CTNND2: variants seen among roughly 807,000 people sequenced by gnomAD.
CTNND2 encodes catenin delta 2, also known as catenin delta-2.
Under a neutral mutation model 144.4 loss-of-function variants are expected in CTNND2, and 22 were observed. The ratio of observed to expected loss-of-function variants is 0.15; its 90% CI spans 0.11 to 0.22. CTNND2 has a LOEUF of 0.22. CTNND2 is among the 10% of genes least tolerant of loss of function. The pLI is 1.00. For synonymous variants in CTNND2, 751 were observed against 695.6 expected (o/e 1.08, Z -1.25); for missense variants, 1,353 against 1,618.8 (o/e 0.84, Z 2.82).
intron 9 of CTNND2, among the ~76,000 whole-genome samples, chr5:11,335,069 T>G (rs1753602333): frequency 6.6e-6 from 1 of 152,312 alleles, no homozygotes; most frequent in East Asian, 1.9e-4. Context: ...TCTTGTCTTC[T>G]TAGTAGAATT....
chr5:11,453,334 C>T (rs61760267), intron 3 of CTNND2, among the ~76,000 whole-genome samples: 2,094 of 152,268 alleles, frequency 0.014, 49 homozygotes, highest in African/African-American at 0.047. Flanking sequence ...ATGACATATG[C>T]GGCTGCAGCA....
intron 1 of CTNND2, among the ~76,000 whole-genome samples, chr5:11,889,838 T>C (rs2127094423): frequency 6.6e-6 from 1 of 152,324 alleles, no homozygotes; most frequent in Admixed American, 6.5e-5. Context: ...CTTTCTTCTT[T>C]ATAAAGGACA....
At chr5:11,559,341 T>C (rs1258438847) in intron 3 of CTNND2, among the ~76,000 whole-genome samples, 1 of 152,144 alleles carries the variant, frequency 6.6e-6, no homozygotes, top group Non-Finnish European at 1.5e-5. Flanking sequence ...AAAAGAACCC[T>C]GTCTACCTTG....
At chr5:11,762,632 G>A (rs1789335289) in intron 1 of CTNND2, among the ~76,000 whole-genome samples, 1 of 152,174 alleles carries the variant, frequency 6.6e-6, no homozygotes, top group Admixed American at 6.6e-5. Flanking sequence ...TTGCTTTTAT[G>A]CATGACATAT....
chr5:11,250,799 G>A (rs1743551640), intron 9 of CTNND2, among the ~76,000 whole-genome samples: 1 of 151,990 alleles, frequency 6.6e-6, no homozygotes, highest in South Asian at 2.1e-4. Flanking sequence ...TTACAAGCGT[G>A]AGCTACCGCA....
intron 1 of CTNND2, among the ~76,000 whole-genome samples, chr5:11,784,987 TTAATA>T (rs1486074646): frequency 6.6e-6 from 1 of 152,230 alleles, no homozygotes; most frequent in Non-Finnish European, 1.5e-5. Flanking sequence ...CAACAAATAA[TTAATA>T]TGAGGATAAT....
intron 9 of CTNND2, among the ~76,000 whole-genome samples, chr5:11,240,908 GCACACACATCCCCAACACACACCCAA>G (rs1742346013): frequency 1.8e-5 from 2 of 112,298 alleles, no homozygotes; most frequent in South Asian, 6.4e-4. Flanking sequence ...CATACACTCA[GCACACACATCCCCAACACACACCCAA>G]CACACACACT....
At chr5:11,658,393 C>T (rs1561665140) in intron 2 of CTNND2, among the ~76,000 whole-genome samples, 2 of 152,068 alleles carry the variant, frequency 1.3e-5, no homozygotes, top group South Asian at 2.1e-4. Context: ...TTCCCTAATA[C>T]ATGTCAGAGA....
intron 3 of CTNND2, among the ~76,000 whole-genome samples, chr5:11,416,378 A>T (rs7707513): frequency 6.6e-6 from 1 of 152,220 alleles, no homozygotes; most frequent in African/African-American, 2.4e-5. Flanking sequence ...TGGGCAGACA[A>T]AAAGCACTAA....
chr5:10,999,868 T>G (rs1739742424), intron 18 of CTNND2, among the ~76,000 whole-genome samples: 2 of 152,244 alleles, frequency 1.3e-5, no homozygotes, highest in Non-Finnish European at 2.9e-5. Flanking sequence ...GTTTTCAATG[T>G]GTTTCTTATG....
chr5:11,440,416 T>G (rs1334654116), intron 3 of CTNND2, among the ~76,000 whole-genome samples: 1 of 152,134 alleles, frequency 6.6e-6, no homozygotes, highest in Non-Finnish European at 1.5e-5. Context: ...GTGTGTGAGT[T>G]TTAGAAAACT....
chr5:11,103,374 A>G (rs965778757), intron 14 of CTNND2, among the ~76,000 whole-genome samples: 2 of 152,142 alleles, frequency 1.3e-5, no homozygotes, highest in Non-Finnish European at 2.9e-5. Context: ...ACTTAGGGAT[A>G]AAAACCTGAA....
At chr5:11,761,107 G>A (rs376904655) in intron 1 of CTNND2, among the ~76,000 whole-genome samples, 7 of 152,110 alleles carry the variant, frequency 4.6e-5, no homozygotes, top group African/African-American at 1.4e-4. Context: ...AGACGATACC[G>A]AGTGTTGAAG....
chr5:11,276,761 T>G (rs984027082), intron 9 of CTNND2, among the ~76,000 whole-genome samples: 1 of 152,024 alleles, frequency 6.6e-6, no homozygotes, highest in Non-Finnish European at 1.5e-5. Context: ...GGTGTCCTTA[T>G]AAGAAGAGAA....
rs1022496370 is a variant in CTNND2 at position 11,314,287 on chromosome 5, CTG to C, written c.1628+32083_1628+32084del. 7.4e-4 allele frequency among the ~76,000 whole-genome samples: 112 copies of C among 152,226 alleles called. 1 individual carries two copies. Among genetic ancestry groups the C allele is most frequent in the African/African-American group, 2.6e-3 (108 of 41,534 alleles). Reference sequence around the variant, plus strand: ...CTTTCCTAAAGTCTGGAAATGTGCTCTGTGTTATATCTGGATTCCTGTCTGCT... The same window carrying C: ...CTTTCCTAAAGTCTGGAAATGTGCTCTGTTATATCTGGATTCCTGTCTGCT... On this transcript the variant is annotated intron_variant, in intron 9 of 21. Transcript: ENST00000304623.
chr5:11,759,941 G>A (rs758365271), intron 1 of CTNND2, among the ~76,000 whole-genome samples: 2 of 150,722 alleles, frequency 1.3e-5, no homozygotes, highest in Admixed American at 6.7e-5. Flanking sequence ...TAATCTACTG[G>A]ATGCCTCTAA....
At chr5:11,333,270 T>C (rs976826006) in intron 9 of CTNND2, among the ~76,000 whole-genome samples, 1 of 152,176 alleles carries the variant, frequency 6.6e-6, no homozygotes, top group Non-Finnish European at 1.5e-5. Flanking sequence ...CTTTTCTTTT[T>C]TTTGTTTTTT....
chr5:11,063,856 G>A (rs930443432), intron 16 of CTNND2, among the ~76,000 whole-genome samples: 4 of 152,016 alleles, frequency 2.6e-5, no homozygotes, highest in Non-Finnish European at 4.4e-5. Flanking sequence ...AGTTAACAAG[G>A]AAAAATAAAT....
At chr5:11,712,457 C>T (rs1311081083) in intron 2 of CTNND2, among the ~76,000 whole-genome samples, 1 of 152,092 alleles carries the variant, frequency 6.6e-6, no homozygotes, top group Non-Finnish European at 1.5e-5. Flanking sequence ...TTCCTACTAA[C>T]AACACTGAGA....
Sources: allele counts gnomAD v4.1 joint callset (sites outside exome capture counted in the v4.1 genomes callset), GRCh38; gene constraint gnomAD v4.1.1; transcripts MANE v1.5; gene names NCBI Gene and HGNC (gene_info 2026-07-23, HGNC 2026-07-21).